Variants in RYR3 observed in about 807,000 individuals in gnomAD.
RYR3 encodes the protein ryanodine receptor 3.
RYR3 carries 207 observed loss-of-function variants against 584.3 expected under a neutral mutation model. The ratio of observed to expected loss-of-function variants is 0.35; its 90% confidence interval spans 0.32 to 0.40. The LOEUF is 0.40. RYR3 is among the 10% of genes least tolerant of loss of function. The probability of loss-of-function intolerance (pLI) is 1.00; values close to 1 mark genes in which losing one functional copy is unlikely to be tolerated. For missense variants in RYR3, 5,616 were observed against 6,089.2 expected (o/e 0.92, Z 2.59); for synonymous variants, 2,416 against 2,248.5 (o/e 1.07, Z -2.11).
chr15:33,382,565 C>T (rs9672384), intron 1 of RYR3, among the ~76,000 whole-genome samples: 2,096 of 152,118 alleles, frequency 0.014, 48 homozygotes, highest in African/African-American at 0.047. Context: ...TTAGGTGATC[C>T]ACCTGCTTAG....
intron 1 of RYR3, among the ~76,000 whole-genome samples, chr15:33,406,468 G>C (rs2043025260): frequency 1.3e-5 from 2 of 152,292 alleles, no homozygotes; most frequent in African/African-American, 2.4e-5. Context: ...TGAAAGTATT[G>C]ACCCATGATA....
chr15:33,412,367 T>C lies in RYR3; in HGVS notation c.52-61052T>C, dbSNP rs1374401978. Among the ~76,000 whole-genome samples the C allele has an allele frequency of 6.6e-6, 1 of 152,166 alleles. No individual in the cohort carries two copies. The highest frequency in any genetic ancestry group is 1.5e-5 in the Non-Finnish European group (1 of 68,032). ...CTGAATTTGGGCTTTGATGCCACTC[T>C]TCTCAGTGGGAGACAAACTGACAGC... On this transcript the variant is annotated intron_variant, in intron 1 of 103. Transcript: ENST00000634891. This position sits in a 1 kb window ranked among gnomAD's most constrained non-coding sequence, Gnocchi z 4.3.
intron 1 of RYR3, among the ~76,000 whole-genome samples, chr15:33,456,645 T>G (rs2047586371): frequency 6.6e-6 from 1 of 152,136 alleles, no homozygotes; most frequent in African/African-American, 2.4e-5. Context: ...GAGGTTACAT[T>G]TGCACAAAAG....
intron 43 of RYR3, among the ~76,000 whole-genome samples, chr15:33,716,404 A>T (rs980922872): frequency 6.6e-6 from 1 of 151,946 alleles, no homozygotes; most frequent in Non-Finnish European, 1.5e-5. Context: ...CTCCCACTGG[A>T]CTCCCTGGAA....
At chr15:33,660,168 T>G (rs1226031174) in intron 33 of RYR3, 29 bp from the exon 34 acceptor site, 1 of 1,493,870 alleles carries the variant, frequency 6.7e-7, no homozygotes, top group Admixed American at 2.0e-5. Context: ...TGTGTGTTTC[T>G]TTTCCAATGC....
intron 43 of RYR3, among the ~76,000 whole-genome samples, chr15:33,721,393 C>T (rs185399605): frequency 8.8e-4 from 134 of 152,288 alleles, no homozygotes; most frequent in African/African-American, 3.0e-3. Flanking sequence ...AATCCCTGAC[C>T]GATACAAATA....
intron 1 of RYR3, among the ~76,000 whole-genome samples, chr15:33,342,598 C>T (rs939998605): frequency 9.6e-5 from 13 of 135,504 alleles, no homozygotes; most frequent in Non-Finnish European, 1.5e-4. Context: ...TAATATTATC[C>T]AATAATCAAT....
chr15:33,725,993 A>AAACAAAAAAAAAC, intron 45 of RYR3, among the ~76,000 whole-genome samples: 1 of 79,034 alleles, frequency 1.3e-5, no homozygotes, highest in Non-Finnish European at 2.7e-5. Context: ...AAAAAAAAAA[A>AAACAAAAAAAAAC]AAAACAGAAT....
rs757239023 is a variant in RYR3 at position 33,635,772 on chromosome 15, G to A, written c.3334G>A (p.Val1112Ile). ...GGCGAGGCCAGGCTGTCGACCTGATGTCGAGCTGGGGGCCGATGACCAAGC... is the reference window on the plus strand; with the variant it reads ...GGCGAGGCCAGGCTGTCGACCTGATATCGAGCTGGGGGCCGATGACCAAGC... ...GWARPGCRPD[V>I]ELGADDQAFV... Residue 1112 changes from valine (V) to isoleucine (I), a missense_variant, in exon 26 of 104, where the codon GTC becomes ATC. Val to Ile is a conservative substitution (Grantham distance 29). This residue lies in a region of RYR3 where 152 missense variants were observed against 200.9 expected (regional missense o/e 0.76). Coordinates refer to ENST00000634891, the MANE Select transcript of RYR3 (RefSeq NM_001036.6). The A allele has an allele frequency of 3.7e-6, 6 of 1,613,776 alleles. No homozygotes were observed. The East Asian group carries it at 1.3e-4, about 36-fold the overall frequency.
chr15:33,592,420 G>A (rs930985002), intron 16 of RYR3, among the ~76,000 whole-genome samples: 2 of 152,160 alleles, frequency 1.3e-5, no homozygotes, highest in Non-Finnish European at 2.9e-5. Context: ...TACCAGTGCT[G>A]CACTTCTGGG....
chr15:33,723,941 T>C, intron 44 of RYR3, 124 bp from the exon 45 acceptor site: 1 of 610,224 alleles, frequency 1.6e-6, no homozygotes, highest in Non-Finnish European at 2.9e-6. Flanking sequence ...AAGACGAGGT[T>C]CCAAGGGAAA....
rs569538156 is a variant in RYR3, at chr15:33,660,721, T to A, written c.4622+298T>A. ...TTTACCTTGAAATATGCATCATTTA[T>A]GACAGGAAGGGGAAGACTCTAGCTT... On this transcript the variant is annotated intron_variant, in intron 34 of 103. Transcript: ENST00000634891. Among the ~76,000 whole-genome samples, 5 of 152,310 alleles carry A rather than the reference T, an allele frequency of 3.3e-5. No individual in the cohort carries two copies. The South Asian group carries it at 1.0e-3, about 32-fold the overall frequency.
chr15:33,646,649 G>C (rs990023106), intron 29 of RYR3, 123 bp downstream of exon 29: 1 of 881,014 alleles, frequency 1.1e-6, no homozygotes, highest in African/African-American at 1.7e-5. Flanking sequence ...CTTTCAGTCA[G>C]GTAAAAAAGA....
intron 64 of RYR3, among the ~76,000 whole-genome samples, chr15:33,775,296 T>C (rs1170600437): frequency 6.7e-6 from 1 of 149,998 alleles, no homozygotes; most frequent in Non-Finnish European, 1.5e-5. Flanking sequence ...TTCTCATCTG[T>C]GTGTTGGTTA....
At chr15:33,533,529 A>G (rs1275645075) in intron 5 of RYR3, 140 bp downstream of exon 5, 2 of 607,138 alleles carry the variant, frequency 3.3e-6, no homozygotes, top group Admixed American at 2.6e-5. Flanking sequence ...AAATTGCAGA[A>G]TAATGAACTA....
Position 33,780,330 on chromosome 15 carries a change from G to A in RYR3, c.9257G>A (p.Arg3086Lys). Residue 3086 changes from arginine to lysine, a missense_variant, in exon 65 of 104, where the codon AGG becomes AAG. Physicochemically the swap from Arg to Lys is conservative, Grantham distance 26. Around this residue, in one of 9 missense-constraint regions of RYR3, gnomAD observed 954 missense variants for 1,132.2 expected, o/e 0.84. Transcript: ENST00000634891. ...TCGGTCTTCAACACCAAAACCCCCAGGGAGAGGTCTAGTAAGTATCTCCCC... is the reference window on the plus strand; with the variant it reads ...TCGGTCTTCAACACCAAAACCCCCAAGGAGAGGTCTAGTAAGTATCTCCCC... ...PLSVFNTKTP[R>K]ERSILGMPDT... The A allele has an allele frequency of 6.2e-7, 1 of 1,613,778 alleles. No individual in the cohort carries two copies. Among genetic ancestry groups the A allele is most frequent in the Non-Finnish European group, 8.5e-7 (1 of 1,179,796 alleles).
At chr15:33,323,390 G>A (rs1278258994) in intron 1 of RYR3, among the ~76,000 whole-genome samples, 1 of 152,092 alleles carries the variant, frequency 6.6e-6, no homozygotes, top group Non-Finnish European at 1.5e-5. Context: ...TTACAGGCGT[G>A]AGCCACCGCG....
At chr15:33,481,545 A>G (rs1194371663) in intron 2 of RYR3, among the ~76,000 whole-genome samples, 1 of 152,052 alleles carries the variant, frequency 6.6e-6, no homozygotes, top group Non-Finnish European at 1.5e-5. Context: ...CAATGATGCA[A>G]TCTCAGCTCA....
At chr15:33,478,864 C>T (rs2049683054) in intron 2 of RYR3, among the ~76,000 whole-genome samples, 3 of 152,088 alleles carry the variant, frequency 2.0e-5, no homozygotes, top group Admixed American at 2.0e-4. Flanking sequence ...AGGTTTGTTT[C>T]ATTGATTTTA....
Sources: allele counts gnomAD v4.1 joint callset (sites outside exome capture counted in the v4.1 genomes callset), GRCh38; gene constraint gnomAD v4.1.1; regional missense constraint gnomAD v4.1.1; non-coding constraint Gnocchi (gnomAD v3.1); transcripts MANE v1.5; gene names NCBI Gene and HGNC (gene_info 2026-07-23, HGNC 2026-07-21).